SIAE: variants seen among roughly 807,000 people sequenced by gnomAD.
The protein encoded by SIAE is sialic acid acetylesterase.
SIAE carries 39 observed loss-of-function variants against 52.6 expected under a neutral mutation model. The ratio of observed to expected loss-of-function variants is 0.74; its 90% CI spans 0.57 to 0.97. SIAE has a LOEUF of 0.97. SIAE is among the 50% of genes least tolerant of loss of function. SIAE has a pLI of 0.00. For synonymous variants in SIAE, 233 were observed against 241.4 expected, an observed-to-expected ratio of 0.97 and a Z score of 0.32; for missense variants, 592 against 662.1, an observed-to-expected ratio of 0.89 and a Z score of 1.16.
At chr11:124,656,147 A>T (rs1267960584) in intron 3 of SIAE, among the ~76,000 whole-genome samples, 1 of 152,248 alleles carries the variant, frequency 6.6e-6, no homozygotes, top group Non-Finnish European at 1.5e-5. Context: ...AATCCAAAAA[A>T]AAATCCAAAA....
At position 124,651,762 on chromosome 11, in the gene SIAE, A is replaced by C. The variant is rs1458413064; in HGVS notation, c.545-1966T>G. ...CGCTCCATCACTAGACCTTGCAATAACCATCTGTTCAGTGTTTCCCTTAGC... is the reference window on the plus strand; with the variant it reads ...CGCTCCATCACTAGACCTTGCAATACCCATCTGTTCAGTGTTTCCCTTAGC... On this transcript the variant is annotated intron_variant, in intron 4 of 9. Coordinates refer to ENST00000263593, the MANE Select transcript of SIAE (RefSeq NM_170601.5). Among the ~76,000 whole-genome samples, 8 of 152,188 alleles carry C rather than the reference A, an allele frequency of 5.3e-5. No individual in the cohort carries two copies. The East Asian group carries it at 1.5e-3, about 29-fold the overall frequency.
At chr11:124,665,249 G>A (rs1943256221) in intron 2 of SIAE, among the ~76,000 whole-genome samples, 1 of 152,194 alleles carries the variant, frequency 6.6e-6, no homozygotes, top group African/African-American at 2.4e-5. Context: ...ATTAGATAAT[G>A]TTATATGGAA....
At chr11:124,663,853 T>C (rs1415009168) in intron 2 of SIAE, among the ~76,000 whole-genome samples, 2 of 152,194 alleles carry the variant, frequency 1.3e-5, no homozygotes, top group Non-Finnish European at 2.9e-5. Flanking sequence ...ATAAGAAGCT[T>C]GAGCCACTAA....
Position 124,654,728 on chromosome 11 carries a change from GAC to G in SIAE, c.469_470del (p.Val157LeufsTer16). The G allele has an allele frequency of 6.2e-7, 1 of 1,614,150 alleles. No individual in the cohort carries two copies. The highest frequency in any genetic ancestry group is 1.1e-5 in the South Asian group (1 of 91,074). ...AAYQSVRILSVSPIQAEQELE... is the reference protein window; with the variant it reads ...AAYQSVRILSXSPIQAEQELE... ...GCTCCTGCTCTGCTTGAATGGGAGA[GAC>G]AGAGAGGATGCGGACAGACTGATAT... On this transcript the variant is annotated frameshift_variant, in exon 4 of 10. Coordinates refer to ENST00000263593, the MANE Select transcript of SIAE (RefSeq NM_170601.5). LOFTEE classifies it high-confidence loss of function.
At chr11:124,669,602 A>C (rs1222539703) in intron 1 of SIAE, 81 bp from the exon 2 acceptor site, 2 of 1,291,564 alleles carry the variant, frequency 1.5e-6, no homozygotes, top group Non-Finnish European at 2.2e-6. Context: ...AGCAAAGAAC[A>C]TACAGTCTTT....
chr11:124,660,054 C>T (rs1034047773), intron 3 of SIAE: 1 of 164,120 alleles, frequency 6.1e-6, no homozygotes, highest in African/African-American at 2.4e-5. Flanking sequence ...CTTTGGGAGG[C>T]CAAGGCGGGT....
At chr11:124,655,704 G>C (rs1943088292) in intron 3 of SIAE, among the ~76,000 whole-genome samples, 1 of 152,024 alleles carries the variant, frequency 6.6e-6, no homozygotes, top group South Asian at 2.1e-4. Flanking sequence ...TTGGTTCCAG[G>C]AACCACACCC....
At chr11:124,660,579 C>T (rs1478592085) in intron 3 of SIAE, 49 bp downstream of exon 3, 5 of 1,602,546 alleles carry the variant, frequency 3.1e-6, no homozygotes, top group Non-Finnish European at 4.3e-6. Flanking sequence ...CCTTCTTTTC[C>T]TTCTTCATCA....
chr11:124,671,931 CTT>C (rs11344356), intron 1 of SIAE, among the ~76,000 whole-genome samples: 8,340 of 137,028 alleles, frequency 0.061, 718 homozygotes, highest in African/African-American at 0.2. Context: ...CTGGCTAATT[CTT>C]TTTTTTTTTT....
chr11:124,636,613 G>A lies in SIAE; in HGVS notation c.*338C>T, dbSNP rs1942746703. On this transcript the variant is annotated 3_prime_UTR_variant, in exon 10 of 10. Coordinates refer to ENST00000263593, the MANE Select transcript of SIAE (RefSeq NM_170601.5). ...GGCCTTTAAAATCTCTTCCAATCCT[G>A]AGATTCCCACAACTCTGGATAAAAA... 6.0e-6 allele frequency: 2 copies of A among 334,928 alleles called. No individual in the cohort carries two copies. The highest frequency in any genetic ancestry group is 9.7e-4 in the Middle Eastern group (1 of 1,036). The allele number at this position is 334,928 out of a possible 1,614,324, so 20.7% of individuals were successfully genotyped here.
intron 8 of SIAE, among the ~76,000 whole-genome samples, chr11:124,638,958 TTGGA>T (rs1243628755): frequency 6.6e-6 from 1 of 151,800 alleles, no homozygotes; most frequent in African/African-American, 2.4e-5. Context: ...AATAGATGAC[TTGGA>T]AGGAAGGAAT....
intron 7 of SIAE, among the ~76,000 whole-genome samples, chr11:124,640,970 C>A (rs904848618): frequency 9.9e-5 from 15 of 152,140 alleles, no homozygotes. Context: ...GCCAAATCAC[C>A]CAAACCCCAG....
Position 124,645,480 on chromosome 11 carries a change from T to C in SIAE, c.966+1885A>G, listed in dbSNP as rs1462251462. On this transcript the variant is annotated intron_variant, in intron 7 of 9. Coordinates refer to ENST00000263593, the MANE Select transcript of SIAE (RefSeq NM_170601.5). The surrounding 1 kb of genome is among the most constrained non-coding windows in gnomAD (Gnocchi z 4.7). ...CCACACCCGACTAATTTTGTATTTT[T>C]AGTAGAGACGGGGCTTCTCCATGTT... is the stretch of plus-strand genomic sequence containing the variant. 1.3e-5 allele frequency among the ~76,000 whole-genome samples: 2 copies of C among 152,114 alleles called. No homozygotes were observed. Among genetic ancestry groups the C allele is most frequent in the Non-Finnish European group, 2.9e-5 (2 of 68,016 alleles).
chr11:124,654,611 C>A, intron 4 of SIAE, 44 bp downstream of exon 4: 1 of 1,613,822 alleles, frequency 6.2e-7, no homozygotes, highest in Non-Finnish European at 8.5e-7. Context: ...ACTTAGGGCG[C>A]TAACCCATTA....
chr11:124,657,988 A>T lies in SIAE; in HGVS notation c.405+2640T>A, dbSNP rs574337873. 2.6e-5 allele frequency among the ~76,000 whole-genome samples: 4 copies of T among 152,344 alleles called. No homozygotes were observed. The East Asian group carries it at 7.7e-4, about 29-fold the overall frequency. Reference sequence around the variant, plus strand: ...CAGTGTTATTATTTTTTTACCAAGTATTTAAATGAGGATGTAAATGAATAC... The same window carrying T: ...CAGTGTTATTATTTTTTTACCAAGTTTTTAAATGAGGATGTAAATGAATAC... On this transcript the variant is annotated intron_variant, in intron 3 of 9. Transcript: ENST00000263593.
intron 5 of SIAE, 70 bp downstream of exon 5, chr11:124,649,549 A>T: frequency 6.5e-7 from 1 of 1,542,316 alleles, no homozygotes; most frequent in Non-Finnish European, 9.0e-7. Flanking sequence ...CTCCCCACAG[A>T]GGACGATGAC....
chr11:124,646,338 C>G (rs1193918195), intron 7 of SIAE, among the ~76,000 whole-genome samples: 1 of 152,056 alleles, frequency 6.6e-6, no homozygotes, highest in African/African-American at 2.4e-5. Context: ...AAGTGTGACC[C>G]AGGAAAATGT....
chr11:124,656,895 G>A (rs1038854545), intron 3 of SIAE, among the ~76,000 whole-genome samples: 11 of 152,238 alleles, frequency 7.2e-5, no homozygotes, highest in African/African-American at 1.9e-4. Flanking sequence ...TCCATTGGCC[G>A]CTGGTCACAG....
intron 3 of SIAE, among the ~76,000 whole-genome samples, chr11:124,655,070 A>G (rs1379193230): frequency 6.6e-6 from 1 of 152,208 alleles, no homozygotes; most frequent in Non-Finnish European, 1.5e-5. Flanking sequence ...AGCTGAGGCT[A>G]AAGAATATTG....
Sources: allele counts gnomAD v4.1 joint callset (sites outside exome capture counted in the v4.1 genomes callset), GRCh38; gene constraint gnomAD v4.1.1; non-coding constraint Gnocchi (gnomAD v3.1); transcripts MANE v1.5; gene names NCBI Gene and HGNC (gene_info 2026-07-23, HGNC 2026-07-21).